Variants in SLIT3 observed in about 807,000 individuals in gnomAD.
The protein encoded by SLIT3 is slit guidance ligand 3.
A neutral mutation model predicts 184.0 loss-of-function variants in SLIT3; 68 were observed. That is an observed-to-expected ratio of 0.37 (90% CI 0.30 to 0.45). The LOEUF is 0.45. Ranked by LOEUF, SLIT3 falls within the 20% of genes least tolerant of loss-of-function variation. SLIT3 has a pLI of 1.00. For synonymous variants in SLIT3, 831 were observed against 828.6 expected, an observed-to-expected ratio of 1.00 and a Z score of -0.05; for missense variants, 1,707 against 2,026.0, an observed-to-expected ratio of 0.84 and a Z score of 3.02.
intron 23 of SLIT3, among the ~76,000 whole-genome samples, chr5:168,721,449 A>G (rs1762938004): frequency 6.6e-6 from 1 of 152,208 alleles, no homozygotes; most frequent in African/African-American, 2.4e-5. Flanking sequence ...AGACCCTGTG[A>G]GGCAATTACC....
intron 20 of SLIT3, among the ~76,000 whole-genome samples, chr5:168,735,234 C>T (rs1763394463): frequency 6.6e-6 from 1 of 152,214 alleles, no homozygotes; most frequent in African/African-American, 2.4e-5. Context: ...TGAAACTCCA[C>T]ACAGATCTCT....
In SLIT3 at chr5:168,753,977, C is replaced by T; in HGVS notation, c.1716G>A (p.Val572=). 6.2e-7 allele frequency: 1 copy of T among 1,604,610 alleles called. No individual in the cohort carries two copies. Among genetic ancestry groups the T allele is most frequent in the Non-Finnish European group, 8.5e-7 (1 of 1,177,584 alleles). The change falls in exon 17 of 36, where the codon GTG becomes GTA. Residue 572 remains valine (V), a synonymous_variant. Transcript: ENST00000519560. ...CTGCTCCATCGAAAGCTCCCTCTCG[C>T]ACCTCCTTGATCTTATTGTTACTCA... The part of the protein sequence containing the change: ...INLSNNKIKE[V]REGAFDGAAS...
At chr5:168,677,050 G>T (rs1046099580) in intron 32 of SLIT3, among the ~76,000 whole-genome samples, 1 of 152,216 alleles carries the variant, frequency 6.6e-6, no homozygotes, top group Non-Finnish European at 1.5e-5. Flanking sequence ...GGGTTCTGCA[G>T]TGCCCCAGTG....
At chr5:168,683,909 AG>A in intron 32 of SLIT3, 56 bp downstream of exon 32, 1 of 1,383,524 alleles carries the variant, frequency 7.2e-7, no homozygotes, top group South Asian at 1.9e-5. Flanking sequence ...TTGCAGGCCC[AG>A]AGGCAGAAGG....
intron 20 of SLIT3, among the ~76,000 whole-genome samples, chr5:168,725,881 C>T (rs971853095): frequency 1.3e-5 from 2 of 152,194 alleles, no homozygotes; most frequent in African/African-American, 4.8e-5. Flanking sequence ...ACTGAACCAG[C>T]CTTAGCTTTA....
In SLIT3 at chr5:168,687,067, C is replaced by T. The variant is rs2113231852; in HGVS notation, c.3226G>A (p.Asp1076Asn). The T allele has an allele frequency of 6.2e-7, 1 of 1,614,260 alleles. No homozygotes were observed. Among genetic ancestry groups the T allele is most frequent in the Non-Finnish European group, 8.5e-7 (1 of 1,180,030 alleles). Reference sequence around the variant, plus strand: ...CGGCACTTGTGGGCCACACAGTCATCATTGTCTGTCTCACAGAGCTTCCCG... The same window carrying T: ...CGGCACTTGTGGGCCACACAGTCATTATTGTCTGTCTCACAGAGCTTCCCG... ...YSGKLCETDN[D>N]DCVAHKCRHG... Residue 1076 changes from aspartate (D) to asparagine (N), a missense_variant, in exon 30 of 36, where the codon GAT (aspartate) becomes AAT (asparagine). Asp to Asn is a conservative substitution (Grantham distance 23). This residue lies in a region of SLIT3 where 1,307 missense variants were observed against 1,511.6 expected (regional missense o/e 0.86). Transcript: ENST00000519560.
intron 9 of SLIT3, among the ~76,000 whole-genome samples, chr5:168,804,825 G>C (rs1465818477): frequency 6.6e-6 from 1 of 152,192 alleles, no homozygotes; most frequent in Admixed American, 6.5e-5. Flanking sequence ...TAAAGCCAAA[G>C]TCTTTAAAAC....
chr5:169,262,953 T>A (rs1000455996), intron 1 of SLIT3, among the ~76,000 whole-genome samples: 1 of 152,158 alleles, frequency 6.6e-6, no homozygotes, highest in African/African-American at 2.4e-5. Context: ...ATGAGTGTGA[T>A]CGTATTTGAA....
chr5:169,298,232 A>C (rs1218871124), intron 1 of SLIT3, among the ~76,000 whole-genome samples: 1 of 152,136 alleles, frequency 6.6e-6, no homozygotes, highest in East Asian at 1.9e-4. Flanking sequence ...CTGAGGCAGA[A>C]GAGACCAGAG....
intron 5 of SLIT3, among the ~76,000 whole-genome samples, chr5:168,851,769 A>T (rs1758688153): frequency 6.6e-6 from 1 of 152,094 alleles, no homozygotes; most frequent in African/African-American, 2.4e-5. Context: ...ACCCTGTTAT[A>T]CCCCATGGGG....
intron 4 of SLIT3, among the ~76,000 whole-genome samples, chr5:169,107,072 C>A (rs1355764995): frequency 6.6e-6 from 1 of 152,260 alleles, no homozygotes; most frequent in Non-Finnish European, 1.5e-5. Context: ...GGCGTCCTTG[C>A]AGCCACTTCA....
At chr5:168,963,700 C>T (rs559044914) in intron 4 of SLIT3, among the ~76,000 whole-genome samples, 25 of 152,290 alleles carry the variant, frequency 1.6e-4, no homozygotes, top group East Asian at 1.2e-3. Context: ...CCATCATAGG[C>T]GTCTGATAGG....
chr5:169,128,586 G>A (rs914817518), intron 4 of SLIT3, among the ~76,000 whole-genome samples: 1 of 151,930 alleles, frequency 6.6e-6, no homozygotes, highest in Non-Finnish European at 1.5e-5. Flanking sequence ...CCAACACCAC[G>A]CCTGGCTAAT....
At chr5:169,019,591 C>T (rs1178911533) in intron 4 of SLIT3, among the ~76,000 whole-genome samples, 2 of 152,196 alleles carry the variant, frequency 1.3e-5, no homozygotes, top group African/African-American at 4.8e-5. Context: ...GTCAGAAAAA[C>T]TGATGGCTTG....
intron 5 of SLIT3, 23 bp from the exon 6 acceptor site, chr5:168,844,678 A>T: frequency 1.2e-6 from 2 of 1,613,208 alleles, no homozygotes; most frequent in South Asian, 2.2e-5. Flanking sequence ...AGGGGAGAGC[A>T]TGAAGGCTGA....
Position 168,666,345 on chromosome 5 carries a change from T to A in SLIT3, c.*109A>T. 1 of 1,067,398 alleles carries A rather than the reference T, an allele frequency of 9.4e-7. No homozygotes were observed. The highest frequency in any genetic ancestry group is 1.3e-6 in the Non-Finnish European group (1 of 778,334). 66.1% of individuals were successfully genotyped at this position (1,067,398 alleles called of 1,614,324 possible). On this transcript the variant is annotated 3_prime_UTR_variant, in exon 36 of 36. Coordinates refer to ENST00000519560, the MANE Select transcript of SLIT3 (RefSeq NM_003062.4). The stretch of plus-strand genomic sequence containing the variant: ...ACTTAATATTCTCTTCTTCTTTACC[T>A]TCCTCTCCAGCTTCATTTCCTTCAT...
chr5:168,938,247 C>T (rs1762221856), intron 4 of SLIT3, among the ~76,000 whole-genome samples: 1 of 152,066 alleles, frequency 6.6e-6, no homozygotes, highest in South Asian at 2.1e-4. Flanking sequence ...AGCATCCATC[C>T]CCACCAAAAA....
chr5:169,109,295 A>G, intron 4 of SLIT3, among the ~76,000 whole-genome samples: 1 of 152,216 alleles, frequency 6.6e-6, no homozygotes, highest in Non-Finnish European at 1.5e-5. Context: ...TACTGCTAGG[A>G]CATGAGGATG....
chr5:169,070,797 CAA>C (rs34764320), intron 4 of SLIT3, among the ~76,000 whole-genome samples: 2,186 of 115,996 alleles, frequency 0.019, 18 homozygotes, highest in East Asian at 0.046. Context: ...ACATTTTCCT[CAA>C]AAAAAAAAAA....
Sources: gnomAD v4.1 joint callset for allele counts (sites outside exome capture counted in the v4.1 genomes callset) on GRCh38, gnomAD v4.1.1 for gene constraint, gnomAD v4.1.1 regional missense constraint, MANE v1.5 for transcripts, NCBI Gene and HGNC (gene_info 2026-07-23, HGNC 2026-07-21) for gene names.